The following SNX8 variants were observed in gnomAD, a reference collection of about 807,000 sequenced individuals.
The protein encoded by SNX8 is sorting nexin-8.
A neutral mutation model predicts 51.6 loss-of-function variants in SNX8; 25 were observed. The ratio of observed to expected loss-of-function variants is 0.48; its 90% CI spans 0.35 to 0.68. The LOEUF is 0.68. Among genes scored for constraint, SNX8 ranks in the 30% least tolerant of loss-of-function variants. SNX8 has a pLI of 0.00. For missense variants in SNX8, 695 were observed against 624.0 expected (o/e 1.11, Z -1.21); for synonymous variants, 324 against 277.0 (o/e 1.17, Z -1.68).
At position 2,262,195 on chromosome 7, in the gene SNX8, C is replaced by A. The variant is rs116935355; in HGVS notation, c.915+1035G>T. Among the ~76,000 whole-genome samples, 104 of 152,084 alleles carry A rather than the reference C, an allele frequency of 6.8e-4. No individual in the cohort carries two copies. In the East Asian group the frequency reaches 0.018, roughly 26 times the overall value. On this transcript the variant is annotated intron_variant, in intron 7 of 10. Transcript: ENST00000222990. ...TGGGACTACAGACACGCACCACCAC[C>A]CCTGGCTAATTTTTTTTTATTTTTG...
chr7:2,311,178 C>T (rs1213318489), intron 1 of SNX8, among the ~76,000 whole-genome samples: 1 of 152,018 alleles, frequency 6.6e-6, no homozygotes, highest in Non-Finnish European at 1.5e-5. Flanking sequence ...CTGGCAACAC[C>T]GAAGATGCAG....
intron 1 of SNX8, among the ~76,000 whole-genome samples, chr7:2,282,244 C>A (rs1053297956): frequency 6.6e-6 from 1 of 152,226 alleles, no homozygotes; most frequent in South Asian, 2.1e-4. Flanking sequence ...AGCAAGTTTT[C>A]GGTGGCGGTC....
intron 1 of SNX8, among the ~76,000 whole-genome samples, chr7:2,309,529 C>T (rs777854902): frequency 3.3e-5 from 5 of 151,558 alleles, no homozygotes; most frequent in South Asian, 4.2e-4. Flanking sequence ...GTTGGGAGTT[C>T]GAGACCAGCC....
chr7:2,302,093 T>C (rs1337870151), intron 1 of SNX8, among the ~76,000 whole-genome samples: 2 of 151,672 alleles, frequency 1.3e-5, no homozygotes, highest in Non-Finnish European at 2.9e-5. Context: ...AAAAATACCC[T>C]CTCCCCTCTC....
At chr7:2,259,313 G>T (rs950969369) in intron 7 of SNX8, among the ~76,000 whole-genome samples, 20 of 152,280 alleles carry the variant, frequency 1.3e-4, no homozygotes, top group African/African-American at 4.6e-4. Context: ...GGCCCTGAAG[G>T]GCTCCGGTCC....
At chr7:2,255,963 A>G (rs141247240) in intron 10 of SNX8, among the ~76,000 whole-genome samples, 150 of 152,352 alleles carry the variant, frequency 9.8e-4, no homozygotes, top group African/African-American at 3.4e-3. Flanking sequence ...ACTGGACCAC[A>G]GCGCACACAG....
At chr7:2,296,066 C>A (rs1464620298) in intron 1 of SNX8, among the ~76,000 whole-genome samples, 7 of 152,140 alleles carry the variant, frequency 4.6e-5, no homozygotes, top group Non-Finnish European at 1.0e-4. Context: ...TTTTCGGGCT[C>A]ATTGTTTCCA....
chr7:2,346,905 GAT>G (rs1225733730), intron 1 of SNX8, among the ~76,000 whole-genome samples: 1 of 128,448 alleles, frequency 7.8e-6, no homozygotes, highest in Non-Finnish European at 1.6e-5. Context: ...GGGCGACAGA[GAT>G]TGAGACTCCG....
Position 2,322,361 on chromosome 7 carries a change from G to A in SNX8, c.-66+31861C>T, listed in dbSNP as rs557260896. Among the ~76,000 whole-genome samples, 30 of 152,154 alleles carry A rather than the reference G, an allele frequency of 2.0e-4. No individual in the cohort carries two copies. In the South Asian group the frequency reaches 5.0e-3, roughly 25 times the overall value. ...TACAGTGAGCTATGATTGTGCCACC[G>A]TATTCCAGCCTGGGCCACAGAGCAA... On this transcript the variant is annotated intron_variant, in intron 1 of 5. Coordinates refer to the SNX8 transcript ENST00000435336.
At chr7:2,324,169 G>A (rs188346761) in intron 1 of SNX8, among the ~76,000 whole-genome samples, 1 of 152,080 alleles carries the variant, frequency 6.6e-6, no homozygotes, top group East Asian at 1.9e-4. Context: ...TCCTGGCCGG[G>A]GGCAGTGGCT....
At chr7:2,307,002 T>G (rs1486644247) in intron 1 of SNX8, among the ~76,000 whole-genome samples, 1 of 152,092 alleles carries the variant, frequency 6.6e-6, no homozygotes, top group East Asian at 1.9e-4. Flanking sequence ...TAATTTCACT[T>G]CAGATTTCCA....
intron 4 of SNX8, among the ~76,000 whole-genome samples, chr7:2,270,665 C>G (rs1471828067): frequency 6.6e-6 from 1 of 152,106 alleles, no homozygotes; most frequent in Non-Finnish European, 1.5e-5. Context: ...GTTTCCAACC[C>G]CAGGGCTCAA....
intron 1 of SNX8, among the ~76,000 whole-genome samples, chr7:2,338,738 C>T (rs1235016187): frequency 6.6e-6 from 1 of 152,156 alleles, no homozygotes; most frequent in Non-Finnish European, 1.5e-5. Context: ...TTAGAACTAA[C>T]AAGAGAATTC....
intron 3 of SNX8, among the ~76,000 whole-genome samples, chr7:2,273,772 C>G (rs1239983682): frequency 6.6e-6 from 1 of 150,874 alleles, no homozygotes; most frequent in Non-Finnish European, 1.5e-5. Context: ...GGCGTGGTGG[C>G]GGGCGCCTGT....
At chr7:2,337,532 C>T (rs2115242369) in intron 1 of SNX8, among the ~76,000 whole-genome samples, 1 of 152,136 alleles carries the variant, frequency 6.6e-6, no homozygotes, top group South Asian at 2.1e-4. Flanking sequence ...CCAAAAATCT[C>T]CAATGTATTT....
At chr7:2,283,701 G>A (rs368038401) in intron 1 of SNX8, among the ~76,000 whole-genome samples, 6 of 152,170 alleles carry the variant, frequency 3.9e-5, no homozygotes, top group Non-Finnish European at 7.3e-5. Flanking sequence ...AAGTGGGTGC[G>A]TATCAGAATC....
At chr7:2,262,482 C>A (rs1451285623) in intron 7 of SNX8, among the ~76,000 whole-genome samples, 4 of 152,156 alleles carry the variant, frequency 2.6e-5, no homozygotes, top group African/African-American at 9.7e-5. Context: ...AGCAGGAGCA[C>A]TGCCTGAGGT....
At position 2,257,317 on chromosome 7, in the gene SNX8, G is replaced by C. The variant is rs754595307; in HGVS notation, c.1134+48C>G. The C allele has an allele frequency of 5.1e-6, 8 of 1,576,766 alleles. No individual in the cohort carries two copies. In the East Asian group the frequency reaches 1.1e-4, roughly 22 times the overall value. On this transcript the variant is annotated intron_variant, in intron 9 of 10. Transcript: ENST00000222990. The stretch of plus-strand genomic sequence containing the variant: ...GACGGCTCCGGGTCCCACCATGGCC[G>C]GGAGGGGAAAGGCTCCCACGGGCCT...
chr7:2,265,289 G>T (rs988744107), intron 5 of SNX8, among the ~76,000 whole-genome samples: 2 of 152,116 alleles, frequency 1.3e-5, no homozygotes, highest in African/African-American at 2.4e-5. Context: ...GCAGTGAGCT[G>T]CGATCACACC....
Sources: gnomAD v4.1 joint callset for allele counts (sites outside exome capture counted in the v4.1 genomes callset) on GRCh38, gnomAD v4.1.1 for gene constraint, MANE v1.5 for transcripts, NCBI Gene and HGNC (gene_info 2026-07-23, HGNC 2026-07-21) for gene names.